PPFIBP1: variants seen among roughly 807,000 people sequenced by gnomAD.
PPFIBP1 encodes the protein PPFIB scaffold protein 1.
Under a neutral mutation model 137.8 loss-of-function variants are expected in PPFIBP1, and 112 were observed. That is an observed-to-expected ratio of 0.81 (90% CI 0.70 to 0.95). The LOEUF (loss-of-function observed/expected upper bound fraction) is 0.95, where lower values mean the gene tolerates loss of function less well. Among genes scored for constraint, PPFIBP1 ranks in the 40% least tolerant of loss-of-function variants. The pLI is 0.00. For synonymous variants in PPFIBP1, 378 were observed against 417.3 expected (o/e 0.91, Z 1.15); for missense variants, 1,083 against 1,196.6 (o/e 0.91, Z 1.40).
chr12:27,542,907 T>TCA (rs1945825468), intron 1 of PPFIBP1, among the ~76,000 whole-genome samples: 1 of 152,194 alleles, frequency 6.6e-6, no homozygotes, highest in Non-Finnish European at 1.5e-5. Context: ...TAGTTGAGAT[T>TCA]TTTGGCATCA....
chr12:27,664,476 T>A (rs1593231124), intron 12 of PPFIBP1, 30 bp downstream of exon 12: 1 of 472,240 alleles, frequency 2.1e-6, no homozygotes, highest in Non-Finnish European at 2.8e-6. Context: ...GTTTTTCTAC[T>A]TTGGTTGACT....
rs1416686076 is a variant in PPFIBP1, at chr12:27,664,354, A to T, written c.907-8A>T. 5.7e-6 allele frequency: 9 copies of T among 1,581,298 alleles called. No homozygotes were observed. The highest frequency in any genetic ancestry group is 2.3e-5 in the East Asian group (1 of 44,320). On this transcript the variant is annotated splice_region_variant and splice_polypyrimidine_tract_variant and intron_variant, in intron 11 of 29. Coordinates refer to ENST00000228425, the MANE Select transcript of PPFIBP1 (RefSeq NM_003622.4). ...AGGATTAAAGATTACAATTTATTTT[A>T]TTCCTAGGATCGGAAAATAGAAGAT...
intron 1 of PPFIBP1, among the ~76,000 whole-genome samples, chr12:27,534,450 A>G (rs942889423): frequency 3.3e-5 from 5 of 152,218 alleles, no homozygotes; most frequent in African/African-American, 1.2e-4. Flanking sequence ...CATGGAGGAA[A>G]AATTTGAAAG....
chr12:27,650,442 A>T (rs978195120), intron 7 of PPFIBP1, among the ~76,000 whole-genome samples: 6 of 152,180 alleles, frequency 3.9e-5, no homozygotes, highest in African/African-American at 1.4e-4. Context: ...GTCCATCCAT[A>T]CTGTTTTTCT....
At chr12:27,595,185 C>T (rs1387334497) in intron 2 of PPFIBP1, among the ~76,000 whole-genome samples, 1 of 152,250 alleles carries the variant, frequency 6.6e-6, no homozygotes, top group African/African-American at 2.4e-5. Flanking sequence ...TTTAGTCCAG[C>T]TTTTTCTGTG....
chr12:27,587,143 A>T (rs1209053298), intron 2 of PPFIBP1, among the ~76,000 whole-genome samples: 1 of 152,176 alleles, frequency 6.6e-6, no homozygotes, highest in Non-Finnish European at 1.5e-5. Flanking sequence ...AAGGATGAAT[A>T]TTTACCAATC....
chr12:27,568,527 C>T (rs898444315), intron 1 of PPFIBP1, among the ~76,000 whole-genome samples: 1 of 152,162 alleles, frequency 6.6e-6, no homozygotes, highest in African/African-American at 2.4e-5. Context: ...AGTGGAGGGG[C>T]CTTGTTTTGC....
chr12:27,670,664 A>G (rs12310985), intron 13 of PPFIBP1, among the ~76,000 whole-genome samples: 2,016 of 152,048 alleles, frequency 0.013, 45 homozygotes, highest in African/African-American at 0.046. Context: ...TGTAGTCCCA[A>G]CTACTTGATA....
At chr12:27,631,792 C>T (rs1260290298) in intron 2 of PPFIBP1, among the ~76,000 whole-genome samples, 2 of 152,078 alleles carry the variant, frequency 1.3e-5, no homozygotes, top group Non-Finnish European at 2.9e-5. Context: ...CTAACAAAGA[C>T]GAATATTTTT....
At chr12:27,651,564 C>T (rs1364460189) in intron 7 of PPFIBP1, among the ~76,000 whole-genome samples, 1 of 152,152 alleles carries the variant, frequency 6.6e-6, no homozygotes, top group East Asian at 1.9e-4. Context: ...TTTCCTCTTT[C>T]CCCTCTTTTT....
chr12:27,638,308 A>G (rs761074804), intron 4 of PPFIBP1, among the ~76,000 whole-genome samples: 1 of 152,216 alleles, frequency 6.6e-6, no homozygotes, highest in Non-Finnish European at 1.5e-5. Context: ...CTTCATATTG[A>G]ACATGGGAAA....
At chr12:27,544,418 G>C (rs1291459971) in intron 1 of PPFIBP1, among the ~76,000 whole-genome samples, 1 of 152,208 alleles carries the variant, frequency 6.6e-6, no homozygotes, top group Non-Finnish European at 1.5e-5. Context: ...AAGATCTTCC[G>C]TACAGCAAAA....
intron 1 of PPFIBP1, among the ~76,000 whole-genome samples, chr12:27,557,966 T>C (rs1364165755): frequency 6.6e-6 from 1 of 152,224 alleles, no homozygotes; most frequent in Non-Finnish European, 1.5e-5. Flanking sequence ...CTTGGTTGTT[T>C]AAGGGATCCT....
chr12:27,528,022 C>T (rs1039787700), intron 1 of PPFIBP1, among the ~76,000 whole-genome samples: 1 of 152,058 alleles, frequency 6.6e-6, no homozygotes, highest in South Asian at 2.1e-4. Context: ...GATCTTGCCT[C>T]GCTGCAACCT....
In PPFIBP1 at chr12:27,580,469, T is replaced by G. The variant is rs144562916; in HGVS notation, c.-36+2230T>G. Among the ~76,000 whole-genome samples the G allele has an allele frequency of 2.7e-3, 405 of 152,054 alleles. 1 individual carries two copies. The highest frequency in any genetic ancestry group is 9.0e-3 in the African/African-American group (373 of 41,490). On this transcript the variant is annotated intron_variant, in intron 2 of 29. Transcript: ENST00000228425. ...ATGGTAAAATCTCCGCCTCTAAGAT[T>G]CCCCCCAAATCTGCTGTAACAATTG...
chr12:27,615,629 G>A (rs1050864497), intron 2 of PPFIBP1, among the ~76,000 whole-genome samples: 2 of 152,168 alleles, frequency 1.3e-5, no homozygotes, highest in Non-Finnish European at 2.9e-5. Context: ...GTGGAAAAAG[G>A]ATTACATTTA....
rs902251512 is a variant in PPFIBP1 at position 27,694,079 on chromosome 12, T to A, written c.*1197T>A. ...ATCATAGCTCACTGCAGCCTTGAAT[T>A]CCTAGGCTCCAGTGATCCTCTCACC... is the stretch of plus-strand genomic sequence containing the variant. On this transcript the variant is annotated 3_prime_UTR_variant, in exon 30 of 30. Coordinates refer to ENST00000228425, the MANE Select transcript of PPFIBP1 (RefSeq NM_003622.4). 6.6e-6 allele frequency: 1 copy of A among 152,198 alleles called. No individual in the cohort carries two copies. The highest frequency in any genetic ancestry group is 2.4e-5 in the African/African-American group (1 of 41,428). 9.4% of individuals were successfully genotyped at this position (152,198 alleles called of 1,614,324 possible).
At chr12:27,578,391 C>G (rs553296319) in intron 2 of PPFIBP1, among the ~76,000 whole-genome samples, 152 bp downstream of exon 2, 406 of 152,204 alleles carry the variant, frequency 2.7e-3, no homozygotes, top group African/African-American at 9.0e-3. Context: ...TCTGCTCGCC[C>G]TTTTAAAACC....
At position 27,633,388 on chromosome 12, in the gene PPFIBP1, A is replaced by C; in HGVS notation, c.-9A>C. The stretch of plus-strand genomic sequence containing the variant: ...TCTGGGTTGGAATTTGCCCCTGACA[A>C]ATAATAAAATGATGAGTGATGCAAG... On this transcript the variant is annotated 5_prime_UTR_variant, in exon 3 of 30. Transcript: ENST00000228425. 3 of 1,613,394 alleles carry C rather than the reference A, an allele frequency of 1.9e-6. No homozygotes were observed. Among genetic ancestry groups the C allele is most frequent in the Non-Finnish European group, 1.7e-6 (2 of 1,179,492 alleles).
Sources: gnomAD v4.1 joint callset for allele counts (sites outside exome capture counted in the v4.1 genomes callset) on GRCh38, gnomAD v4.1.1 for gene constraint, MANE v1.5 for transcripts, NCBI Gene and HGNC (gene_info 2026-07-23, HGNC 2026-07-21) for gene names.